UNC13C: variants seen among roughly 807,000 people sequenced by gnomAD.
UNC13C encodes unc-13 homolog C.
A neutral mutation model predicts 245.4 loss-of-function variants in UNC13C; 174 were observed. The observed-to-expected ratio is 0.71, with a 90% CI of 0.63 to 0.80. UNC13C has a LOEUF of 0.80. Among genes scored for constraint, UNC13C ranks in the 30% least tolerant of loss-of-function variants. The pLI is 0.00. For missense variants in UNC13C, 2,829 were observed against 2,602.9 expected, an observed-to-expected ratio of 1.09 and a Z score of -1.89; for synonymous variants, 992 against 895.1, an observed-to-expected ratio of 1.11 and a Z score of -1.93.
intron 19 of UNC13C, among the ~76,000 whole-genome samples, chr15:54,491,239 A>G (rs1893689091): frequency 6.6e-6 from 1 of 152,204 alleles, no homozygotes; most frequent in Non-Finnish European, 1.5e-5. Flanking sequence ...GCTCATTCCT[A>G]ACATTTGCAG....
intron 18 of UNC13C, among the ~76,000 whole-genome samples, chr15:54,394,584 T>C (rs975909024): frequency 2.6e-5 from 4 of 151,816 alleles, no homozygotes; most frequent in Middle Eastern, 3.2e-3. Context: ...TTCTGAAAGA[T>C]TGGGAGACCG....
At chr15:54,069,613 A>G (rs1213731176) in intron 2 of UNC13C, among the ~76,000 whole-genome samples, 1 of 152,218 alleles carries the variant, frequency 6.6e-6, no homozygotes, top group Non-Finnish European at 1.5e-5. Context: ...GAAGCTAAAG[A>G]TAACTTGTCA....
intron 19 of UNC13C, among the ~76,000 whole-genome samples, chr15:54,425,505 A>G (rs1374445021): frequency 1.3e-5 from 2 of 151,872 alleles, no homozygotes; most frequent in Admixed American, 6.6e-5. Context: ...TCTTACTAAC[A>G]GACCCAAAGG....
At chr15:54,069,427 G>C (rs1167907919) in intron 2 of UNC13C, among the ~76,000 whole-genome samples, 1 of 152,138 alleles carries the variant, frequency 6.6e-6, no homozygotes, top group Non-Finnish European at 1.5e-5. Flanking sequence ...TTTGAATCCT[G>C]ACCCACTGTC....
intron 17 of UNC13C, among the ~76,000 whole-genome samples, chr15:54,372,438 T>G (rs1283286939): frequency 2.0e-5 from 3 of 152,118 alleles, no homozygotes; most frequent in Admixed American, 2.0e-4. Flanking sequence ...GATAAGCACC[T>G]TAATACTCGT....
intron 4 of UNC13C, among the ~76,000 whole-genome samples, chr15:54,182,753 G>C (rs2033844699): frequency 6.6e-6 from 1 of 151,864 alleles, no homozygotes; most frequent in South Asian, 2.1e-4. Flanking sequence ...TTAAAACATT[G>C]TTGAAATTGA....
intron 2 of UNC13C, among the ~76,000 whole-genome samples, chr15:54,042,707 G>T (rs1896858430): frequency 6.6e-6 from 1 of 152,102 alleles, no homozygotes; most frequent in Non-Finnish European, 1.5e-5. Flanking sequence ...CAAGAAATTA[G>T]CCGGGCATGG....
At chr15:54,269,736 A>C (rs1047305524) in intron 10 of UNC13C, among the ~76,000 whole-genome samples, 5 of 152,116 alleles carry the variant, frequency 3.3e-5, no homozygotes, top group Non-Finnish European at 7.4e-5. Context: ...GGACCATTAA[A>C]CTATGAATTA....
intron 4 of UNC13C, among the ~76,000 whole-genome samples, chr15:54,217,075 T>G (rs571411377): frequency 6.6e-6 from 1 of 152,026 alleles, no homozygotes; most frequent in Non-Finnish European, 1.5e-5. Context: ...AGAGAAGATG[T>G]GAGAGTCTGG....
chr15:53,919,485 C>A, the UNC13C span, among the ~76,000 whole-genome samples: 1 of 152,134 alleles, frequency 6.6e-6, no homozygotes, highest in African/African-American at 2.4e-5. Context: ...AGGACAAATT[C>A]TTGGAGCTGC....
chr15:54,215,217 A>G (rs988830771), intron 4 of UNC13C, among the ~76,000 whole-genome samples: 2 of 151,964 alleles, frequency 1.3e-5, no homozygotes, highest in Admixed American at 6.6e-5. Flanking sequence ...CATTGTTCCC[A>G]AGCCTACCAT....
intron 17 of UNC13C, among the ~76,000 whole-genome samples, chr15:54,373,593 G>A (rs1209718381): frequency 1.3e-5 from 2 of 152,174 alleles, no homozygotes; most frequent in East Asian, 3.9e-4. Flanking sequence ...TGGCACCAGG[G>A]AACATGGTGG....
chr15:53,929,598 T>C, the UNC13C span, among the ~76,000 whole-genome samples: 2 of 152,190 alleles, frequency 1.3e-5, no homozygotes, highest in Non-Finnish European at 2.9e-5. Context: ...CAGACTACAT[T>C]TAATTTGGGC....
intron 7 of UNC13C, among the ~76,000 whole-genome samples, chr15:54,238,208 G>A (rs1396246850): frequency 6.6e-6 from 1 of 150,944 alleles, no homozygotes; most frequent in Non-Finnish European, 1.5e-5. Flanking sequence ...CCTAGTAGCT[G>A]GGACTACAGG....
intron 27 of UNC13C, among the ~76,000 whole-genome samples, chr15:54,547,803 T>TACACACACATAC (rs1896551674): frequency 6.6e-6 from 1 of 151,522 alleles, no homozygotes; most frequent in African/African-American, 2.4e-5. Flanking sequence ...CATTTATAAA[T>TACACACACATAC]ACACACACAC....
chr15:54,531,043 A>G (rs537341244), intron 25 of UNC13C, among the ~76,000 whole-genome samples: 1 of 152,198 alleles, frequency 6.6e-6, no homozygotes, highest in Non-Finnish European at 1.5e-5. Context: ...AAAGGGGTCT[A>G]TAGTGGCATT....
chr15:53,878,277 G>A, the UNC13C span, among the ~76,000 whole-genome samples: 2 of 152,094 alleles, frequency 1.3e-5, no homozygotes, highest in Non-Finnish European at 2.9e-5. Flanking sequence ...AACCAAAGCT[G>A]TGCCTTCTGA....
chr15:54,560,634 G>A (rs188279061), intron 29 of UNC13C, among the ~76,000 whole-genome samples: 10 of 151,792 alleles, frequency 6.6e-5, no homozygotes, highest in African/African-American at 2.4e-4. Context: ...ATGTATTAAT[G>A]TATCTAGGGT....
At chr15:54,278,899 T>C (rs559925031) in intron 10 of UNC13C, among the ~76,000 whole-genome samples, 32 of 152,304 alleles carry the variant, frequency 2.1e-4, no homozygotes, top group African/African-American at 7.5e-4. Flanking sequence ...GCACAGTATT[T>C]GTTATACTTT....
Sources: allele counts gnomAD v4.1 joint callset (sites outside exome capture counted in the v4.1 genomes callset), GRCh38; gene constraint gnomAD v4.1.1; transcripts MANE v1.5; gene names NCBI Gene and HGNC (gene_info 2026-07-23, HGNC 2026-07-21).